The following RIC8B variants were observed in gnomAD, a reference collection of about 807,000 sequenced individuals.
RIC8B encodes RIC8 guanine nucleotide exchange factor B.
RIC8B carries 16 observed loss-of-function variants against 57.5 expected under a neutral mutation model. That is an observed-to-expected ratio of 0.28 (90% CI 0.19 to 0.42). The LOEUF (loss-of-function observed/expected upper bound fraction) is 0.42. RIC8B is among the 10% of genes least tolerant of loss of function. The pLI is 1.00. For synonymous variants in RIC8B, 216 were observed against 250.8 expected (o/e 0.86, Z 1.31); for missense variants, 481 against 677.0 (o/e 0.71, Z 3.21).
intron 9 of RIC8B, among the ~76,000 whole-genome samples, chr12:106,875,639 C>CA (rs1197160261): frequency 6.6e-6 from 1 of 152,126 alleles, no homozygotes; most frequent in African/African-American, 2.4e-5. Context: ...CACCCTTACC[C>CA]CATCACTGTC....
At chr12:106,873,895 G>T (rs1165150820) in intron 9 of RIC8B, among the ~76,000 whole-genome samples, 6 of 152,192 alleles carry the variant, frequency 3.9e-5, no homozygotes, top group African/African-American at 1.4e-4. Context: ...ATTCATTCCA[G>T]GTGGAGAGAA....
chr12:106,851,149 C>T (rs1427358582), intron 6 of RIC8B, among the ~76,000 whole-genome samples: 1 of 151,972 alleles, frequency 6.6e-6, no homozygotes, highest in African/African-American at 2.4e-5. Context: ...TTCATAGAGG[C>T]AAGTTGAGGC....
At chr12:106,858,433 T>C (rs1260636040) in intron 7 of RIC8B, among the ~76,000 whole-genome samples, 20 of 152,162 alleles carry the variant, frequency 1.3e-4, no homozygotes, top group Admixed American at 1.3e-3. Flanking sequence ...TGTCTGACCA[T>C]GTCATTAAGA....
chr12:106,803,369 A>G (rs2044842605), intron 2 of RIC8B, among the ~76,000 whole-genome samples: 1 of 152,126 alleles, frequency 6.6e-6, no homozygotes, highest in Admixed American at 6.5e-5. Context: ...TGTTAATGGT[A>G]AGTGATCATT....
intron 2 of RIC8B, among the ~76,000 whole-genome samples, chr12:106,784,533 AT>A (rs971033736): frequency 3.3e-5 from 5 of 151,910 alleles, no homozygotes; most frequent in African/African-American, 1.2e-4. Context: ...CCATTTTAAA[AT>A]TTTTTTGTAG....
chr12:106,862,587 C>T (rs1455857871), intron 8 of RIC8B, among the ~76,000 whole-genome samples: 1 of 152,110 alleles, frequency 6.6e-6, no homozygotes, highest in East Asian at 1.9e-4. Context: ...TCCCCTACAC[C>T]TGAATACCAT....
rs1264862268 is a variant in RIC8B at position 106,879,582 on chromosome 12, T to C, written c.1572-6322T>C. 2.0e-6 allele frequency: 2 copies of C among 985,194 alleles called. No individual in the cohort carries two copies. The highest frequency in any genetic ancestry group is 3.5e-5 in the African/African-American group (2 of 57,208). The allele number at this position is 985,194 out of a possible 1,614,324, so 61.0% of individuals were successfully genotyped here. On this transcript the variant is annotated intron_variant, in intron 9 of 9. Transcript: ENST00000392837. This position sits in a 1 kb window ranked among gnomAD's most constrained non-coding sequence, Gnocchi z 4.9. ...TTTTAAATATGGTGTAAATTCCGTA[T>C]CTCCCATCCCTAGCTCTTTAAGAAA...
chr12:106,806,155 C>T (rs2045007263), intron 2 of RIC8B, among the ~76,000 whole-genome samples: 1 of 152,194 alleles, frequency 6.6e-6, no homozygotes, highest in Non-Finnish European at 1.5e-5. Flanking sequence ...CCACGTTGGC[C>T]AGGCTGGCCT....
chr12:106,823,064 G>A (rs1439309762), intron 3 of RIC8B: 1 of 156,312 alleles, frequency 6.4e-6, no homozygotes, highest in Non-Finnish European at 1.4e-5. Flanking sequence ...TTAGCTGTGT[G>A]CTTATGATTT....
At chr12:106,808,717 G>A (rs772398507) in intron 2 of RIC8B, among the ~76,000 whole-genome samples, 6 of 152,178 alleles carry the variant, frequency 3.9e-5, no homozygotes, top group Non-Finnish European at 5.9e-5. Context: ...ATTCTTCTAA[G>A]TAGCACTTGC....
chr12:106,821,514 A>T (rs1448882510), intron 3 of RIC8B, among the ~76,000 whole-genome samples: 1 of 152,242 alleles, frequency 6.6e-6, no homozygotes, highest in Non-Finnish European at 1.5e-5. Flanking sequence ...ATACAAGGTA[A>T]ATAATAAAGC....
intron 7 of RIC8B, among the ~76,000 whole-genome samples, chr12:106,852,981 CAT>C (rs748723228): frequency 3.9e-5 from 6 of 152,154 alleles, no homozygotes; most frequent in Non-Finnish European, 7.3e-5. Flanking sequence ...CAAAATCACA[CAT>C]ATGTGTATCT....
At chr12:106,837,287 A>G (rs192622502) in intron 4 of RIC8B, among the ~76,000 whole-genome samples, 5 of 152,122 alleles carry the variant, frequency 3.3e-5, no homozygotes, top group African/African-American at 9.6e-5. Context: ...GCTTGAACCC[A>G]GGAGGCGGAG....
chr12:106,873,489 T>A (rs1480965658), intron 9 of RIC8B, among the ~76,000 whole-genome samples: 3 of 152,022 alleles, frequency 2.0e-5, no homozygotes, highest in African/African-American at 7.3e-5. Context: ...TCCTCATTAG[T>A]CTTAAGTTTC....
chr12:106,871,832 G>C (rs1950445349), intron 9 of RIC8B, among the ~76,000 whole-genome samples: 1 of 152,144 alleles, frequency 6.6e-6, no homozygotes, highest in Non-Finnish European at 1.5e-5. Flanking sequence ...GAATGGAAAA[G>C]CCAGAGAGCC....
At chr12:106,803,215 CA>C (rs55853235) in intron 2 of RIC8B, among the ~76,000 whole-genome samples, 351 of 84,004 alleles carry the variant, frequency 4.2e-3, no homozygotes, top group Non-Finnish European at 5.7e-3. Context: ...TACCCTGTCT[CA>C]AAAAAAAAAA....
chr12:106,814,672 T>C, intron 2 of RIC8B, 24 bp from the exon 3 acceptor site: 2 of 1,555,734 alleles, frequency 1.3e-6, no homozygotes, highest in East Asian at 4.5e-5. Flanking sequence ...TAATGATTTT[T>C]GCATACTCGT....
intron 3 of RIC8B, chr12:106,822,835 A>C (rs1200008374): frequency 6.6e-6 from 1 of 152,630 alleles, no homozygotes; most frequent in Non-Finnish European, 1.5e-5. Context: ...GTGTGAATGA[A>C]TCTCACAAGC....
At chr12:106,826,612 TGGGCA>T (rs1227354014) in intron 4 of RIC8B, among the ~76,000 whole-genome samples, 1 of 151,860 alleles carries the variant, frequency 6.6e-6, no homozygotes, top group Non-Finnish European at 1.5e-5. Flanking sequence ...AAAAAGTAGC[TGGGCA>T]TGGTGGCACA....
Sources: gnomAD v4.1 joint callset for allele counts (sites outside exome capture counted in the v4.1 genomes callset) on GRCh38, gnomAD v4.1.1 for gene constraint, Gnocchi (gnomAD v3.1) non-coding constraint, MANE v1.5 for transcripts, NCBI Gene and HGNC (gene_info 2026-07-23, HGNC 2026-07-21) for gene names.